Variants in CHD2 observed in about 807,000 individuals in gnomAD.
CHD2 encodes the protein ATP-dependent chromatin remodeler CHD2.
CHD2 carries 28 observed loss-of-function variants against 243.9 expected under a neutral mutation model. That is an observed-to-expected ratio of 0.11 (90% CI 0.09 to 0.16). The LOEUF (loss-of-function observed/expected upper bound fraction) is 0.16. Among genes scored for constraint, CHD2 ranks in the 10% least tolerant of loss-of-function variants. CHD2 has a pLI of 1.00. For missense variants in CHD2, 1,386 were observed against 2,209.8 expected (o/e 0.63, Z 7.47); for synonymous variants, 775 against 779.0 (o/e 0.99, Z 0.09).
chr15:93,024,812 G>C lies in CHD2; in HGVS notation c.*107G>C. The stretch of plus-strand genomic sequence containing the variant: ...GACCAGTAAGTGGAGTTTTGGACAT[G>C]CTGCTGCTGTCAACTCACTGGCTGA... On this transcript the variant is annotated 3_prime_UTR_variant, in exon 39 of 39. Coordinates refer to ENST00000394196, the MANE Select transcript of CHD2 (RefSeq NM_001271.4). The C allele has an allele frequency of 1.1e-6, 1 of 942,236 alleles. No individual in the cohort carries two copies. The highest frequency in any genetic ancestry group is 1.6e-6 in the Non-Finnish European group (1 of 638,350). 58.4% of individuals were successfully genotyped at this position (942,236 alleles called of 1,614,324 possible).
chr15:92,967,618 C>CAA (rs2053783064), intron 17 of CHD2, 105 bp downstream of exon 17: 13 of 693,338 alleles, frequency 1.9e-5, no homozygotes, highest in African/African-American at 3.9e-5. Flanking sequence ...TTTTTGGAGA[C>CAA]AGAGTCTCGC....
chr15:93,004,700 C>T lies in CHD2; in HGVS notation c.4362C>T (p.Val1454=). 6.2e-7 allele frequency: 1 copy of T among 1,613,726 alleles called. No individual in the cohort carries two copies. The highest frequency in any genetic ancestry group is 8.5e-7 in the Non-Finnish European group (1 of 1,179,784). ...ATATTACAGCAGGAAGTGAACCTGT[C>T]CCCATTGGAGAGGATGAGGATGATG... ...PVHITAGSEP[V]PIGEDEDDDL... Residue 1454 remains valine, a synonymous_variant, in exon 34 of 39, where the codon GTC becomes GTT. Transcript: ENST00000394196.
chr15:93,021,595 A>C (rs2054535545), intron 38 of CHD2: 1 of 152,172 alleles, frequency 6.6e-6, no homozygotes, highest in Non-Finnish European at 1.5e-5. Flanking sequence ...TTCTATTGCT[A>C]CCTCTTCAAG....
chr15:93,012,262 T>C, intron 35 of CHD2, 83 bp from the exon 36 acceptor site: 1 of 841,388 alleles, frequency 1.2e-6, no homozygotes, highest in Non-Finnish European at 1.9e-6. Flanking sequence ...CAGCAAAATT[T>C]AATAGCTTGC....
chr15:93,006,221 G>A (rs2054320045), intron 34 of CHD2, among the ~76,000 whole-genome samples: 1 of 147,896 alleles, frequency 6.8e-6, no homozygotes, highest in South Asian at 2.1e-4. Flanking sequence ...CTGCCTCTCC[G>A]GTTCAAGCAG....
intron 6 of CHD2, 68 bp from the exon 7 acceptor site, chr15:92,939,510 C>G: frequency 6.6e-7 from 1 of 1,512,292 alleles, no homozygotes; most frequent in South Asian, 1.2e-5. Context: ...CTGGGAAATA[C>G]TGTTATATAA....
intron 37 of CHD2, among the ~76,000 whole-genome samples, chr15:93,017,492 ATTTTTTTTTT>A (rs760713016): frequency 2.7e-4 from 26 of 96,802 alleles, no homozygotes; most frequent in Admixed American, 3.9e-4. Flanking sequence ...TGCCGGGCTA[ATTTTTTTTTT>A]TTTTTTTTTT....
intron 15 of CHD2, among the ~76,000 whole-genome samples, chr15:92,955,909 C>T (rs1309120527): frequency 6.6e-6 from 1 of 152,156 alleles, no homozygotes; most frequent in African/African-American, 2.4e-5. Flanking sequence ...TTAGGCATTT[C>T]CTATTGTATC....
At chr15:93,017,383 C>T (rs895256436) in intron 37 of CHD2, among the ~76,000 whole-genome samples, 2 of 151,002 alleles carry the variant, frequency 1.3e-5, no homozygotes, top group Admixed American at 6.6e-5. Context: ...AGTGTAGCGG[C>T]GGCACGATCT....
intron 28 of CHD2, among the ~76,000 whole-genome samples, chr15:92,996,267 CT>C (rs897265978): frequency 6.7e-6 from 1 of 149,836 alleles, no homozygotes; most frequent in African/African-American, 2.5e-5. Context: ...TCACACCATT[CT>C]CCTGCCTCAG....
At chr15:92,917,033 G>A (rs573235728) in intron 2 of CHD2, among the ~76,000 whole-genome samples, 1 of 152,082 alleles carries the variant, frequency 6.6e-6, no homozygotes, top group Non-Finnish European at 1.5e-5. Context: ...CCGTAATTGC[G>A]TATCCATTTT....
At chr15:92,907,232 G>C (rs879609886) in intron 2 of CHD2, among the ~76,000 whole-genome samples, 1 of 152,174 alleles carries the variant, frequency 6.6e-6, no homozygotes, top group Non-Finnish European at 1.5e-5. Flanking sequence ...ATAAATGATG[G>C]AGGACATAGA....
At chr15:93,000,359 T>C (rs1224233211) in intron 31 of CHD2, among the ~76,000 whole-genome samples, 153 bp from the exon 32 acceptor site, 2 of 152,236 alleles carry the variant, frequency 1.3e-5, no homozygotes, top group African/African-American at 2.4e-5. Context: ...TTTGGTCTTG[T>C]GAGGTAAAAT....
At chr15:92,910,755 A>G (rs141143777) in intron 2 of CHD2, among the ~76,000 whole-genome samples, 6 of 152,304 alleles carry the variant, frequency 3.9e-5, no homozygotes, top group Non-Finnish European at 7.4e-5. Context: ...TGTGCTTACC[A>G]AGGATTAGTA....
At chr15:92,992,278 T>A (rs994780341) in intron 27 of CHD2, among the ~76,000 whole-genome samples, 4 of 152,192 alleles carry the variant, frequency 2.6e-5, no homozygotes, top group Non-Finnish European at 5.9e-5. Context: ...TCCAGGACTA[T>A]TGCTGACCAC....
chr15:92,980,107 C>T (rs990214335), intron 22 of CHD2, among the ~76,000 whole-genome samples: 2 of 151,594 alleles, frequency 1.3e-5, no homozygotes, highest in East Asian at 1.9e-4. Context: ...TGCGCTGGCA[C>T]GATCTTGGCT....
At chr15:92,942,778 C>A in intron 8 of CHD2, 65 bp from the exon 9 acceptor site, 2 of 1,310,776 alleles carry the variant, frequency 1.5e-6, no homozygotes, top group Non-Finnish European at 2.1e-6. Flanking sequence ...TAATTGCATT[C>A]TTGGGAAGCT....
intron 28 of CHD2, among the ~76,000 whole-genome samples, chr15:92,993,972 A>G (rs1026165352): frequency 1.2e-4 from 19 of 152,214 alleles, no homozygotes; most frequent in African/African-American, 4.3e-4. Context: ...ACCCTGTCTC[A>G]AAATATAAAT....
intron 3 of CHD2, among the ~76,000 whole-genome samples, chr15:92,924,936 G>C (rs942981416): frequency 1.3e-5 from 2 of 152,118 alleles, no homozygotes; most frequent in South Asian, 4.1e-4. Context: ...AAGTAGTTGA[G>C]ATTACAGGTG....
Sources: allele counts gnomAD v4.1 joint callset (sites outside exome capture counted in the v4.1 genomes callset), GRCh38; gene constraint gnomAD v4.1.1; transcripts MANE v1.5; gene names NCBI Gene and HGNC (gene_info 2026-07-23, HGNC 2026-07-21).